Variants in PTPRD observed in about 807,000 individuals in gnomAD.
PTPRD encodes protein tyrosine phosphatase receptor type D.
In PTPRD, 34 loss-of-function variants were observed where a neutral mutation model predicts 214.5. The ratio of observed to expected loss-of-function variants is 0.16; its 90% confidence interval spans 0.12 to 0.21. The LOEUF (loss-of-function observed/expected upper bound fraction) is 0.21, where lower values mean the gene tolerates loss of function less well. Among genes scored for constraint, PTPRD ranks in the 10% least tolerant of loss-of-function variants. PTPRD has a pLI of 1.00. For synonymous variants in PTPRD, 1,128 were observed against 845.7 expected, an observed-to-expected ratio of 1.33 and a Z score of -5.79; for missense variants, 2,545 against 2,398.7, an observed-to-expected ratio of 1.06 and a Z score of -1.27.
intron 5 of PTPRD, among the ~76,000 whole-genome samples, chr9:9,787,870 C>T (rs760960119): frequency 6.6e-6 from 1 of 151,888 alleles, no homozygotes; most frequent in Non-Finnish European, 1.5e-5. Context: ...CAACCTCCAC[C>T]TCCCAGGTTC....
At chr9:10,137,802 C>A (rs565028478) in intron 3 of PTPRD, among the ~76,000 whole-genome samples, 2 of 149,234 alleles carry the variant, frequency 1.3e-5, no homozygotes, top group Admixed American at 1.3e-4. Context: ...TTTTGGTAAA[C>A]AACAAAATTA....
chr9:9,208,337 A>G (rs1312414678), intron 9 of PTPRD, among the ~76,000 whole-genome samples: 6 of 152,012 alleles, frequency 3.9e-5, no homozygotes, highest in African/African-American at 1.4e-4. Flanking sequence ...TTTTTAAAAA[A>G]CACCTTGGAG....
chr9:9,504,680 C>G (rs1258946151), intron 8 of PTPRD, among the ~76,000 whole-genome samples: 1 of 151,504 alleles, frequency 6.6e-6, no homozygotes, highest in Non-Finnish European at 1.5e-5. Context: ...AGAAATAAAA[C>G]GCATCCAAGT....
chr9:9,954,732 G>C (rs2093762828), intron 4 of PTPRD, among the ~76,000 whole-genome samples: 1 of 151,896 alleles, frequency 6.6e-6, no homozygotes, highest in Non-Finnish European at 1.5e-5. Flanking sequence ...ATCAATTTCT[G>C]TGTATATCCC....
intron 11 of PTPRD, among the ~76,000 whole-genome samples, chr9:8,937,418 C>CTA (rs2099005018): frequency 6.6e-6 from 1 of 152,132 alleles, no homozygotes; most frequent in Non-Finnish European, 1.5e-5. Context: ...TTCAAATTAC[C>CTA]TATAATCTGC....
intron 32 of PTPRD, among the ~76,000 whole-genome samples, chr9:8,464,800 T>C (rs1331461229): frequency 6.6e-6 from 1 of 151,752 alleles, no homozygotes; most frequent in African/African-American, 2.4e-5. Flanking sequence ...AAACTCATTA[T>C]TTAGAATACC....
chr9:8,702,362 C>G (rs573967367), intron 12 of PTPRD, among the ~76,000 whole-genome samples: 17 of 151,696 alleles, frequency 1.1e-4, no homozygotes, highest in Non-Finnish European at 1.9e-4. Context: ...TTTTTTTATA[C>G]TTCTTGCTTC....
intron 10 of PTPRD, among the ~76,000 whole-genome samples, chr9:9,095,578 C>T (rs1376833907): frequency 6.6e-6 from 1 of 152,114 alleles, no homozygotes; most frequent in Non-Finnish European, 1.5e-5. Context: ...AATCCTCCTG[C>T]CTCAGTCACC....
chr9:8,518,581 CAAG>C, intron 20 of PTPRD, 152 bp from the exon 21 acceptor site: 2 of 608,352 alleles, frequency 3.3e-6, no homozygotes, highest in African/African-American at 1.9e-5. Flanking sequence ...TCTGAATGGC[CAAG>C]AAGGACAGGA....
chr9:9,815,195 C>T (rs1239783257), intron 5 of PTPRD, among the ~76,000 whole-genome samples: 1 of 152,082 alleles, frequency 6.6e-6, no homozygotes, highest in Non-Finnish European at 1.5e-5. Flanking sequence ...AGCCCATACT[C>T]ATGCGTACAT....
chr9:10,564,023 T>C (rs2064835328), intron 2 of PTPRD, among the ~76,000 whole-genome samples: 1 of 151,636 alleles, frequency 6.6e-6, no homozygotes, highest in Non-Finnish European at 1.5e-5. Flanking sequence ...CTCTCTCTTT[T>C]GAGAAAGGAT....
In PTPRD at chr9:10,060,799, T is replaced by C. The variant is rs539255745; in HGVS notation, c.-544-27009A>G. ...GCTTTTCTTTCTTTCTTTCTTTCTT[T>C]CTTCCTTTCTTTCTTTCTTTCTTTC... On this transcript the variant is annotated intron_variant, in intron 3 of 45. Transcript: ENST00000381196. 6.3e-3 allele frequency among the ~76,000 whole-genome samples: 776 copies of C among 124,070 alleles called. 202 individuals are homozygous for C. Among genetic ancestry groups the C allele is most frequent in the African/African-American group, 0.029 (564 of 19,178 alleles). The allele number at this position is 124,070 out of a possible 152,430, so 81.4% of individuals were successfully genotyped here.
At chr9:8,802,249 T>G (rs552177012) in intron 11 of PTPRD, among the ~76,000 whole-genome samples, 2 of 152,186 alleles carry the variant, frequency 1.3e-5, no homozygotes, top group East Asian at 3.9e-4. Flanking sequence ...TCCATTAAAG[T>G]GAAATGGTGA....
intron 10 of PTPRD, among the ~76,000 whole-genome samples, chr9:9,149,312 G>T (rs1237594260): frequency 1.3e-5 from 2 of 152,202 alleles, no homozygotes; most frequent in East Asian, 3.8e-4. Context: ...GTTAGCTATT[G>T]TTATTGCCAT....
chr9:9,571,791 A>G (rs1283171353), intron 8 of PTPRD, among the ~76,000 whole-genome samples: 1 of 151,100 alleles, frequency 6.6e-6, no homozygotes, highest in East Asian at 1.9e-4. Context: ...TTAAATAACT[A>G]CATATCAATG....
At chr9:9,059,289 C>G (rs922270838) in intron 10 of PTPRD, among the ~76,000 whole-genome samples, 1 of 152,120 alleles carries the variant, frequency 6.6e-6, no homozygotes, top group African/African-American at 2.4e-5. Flanking sequence ...ATGTGTACAG[C>G]ATTGAAATGG....
At chr9:9,004,529 G>A (rs145005499) in intron 11 of PTPRD, among the ~76,000 whole-genome samples, 1 of 151,906 alleles carries the variant, frequency 6.6e-6, no homozygotes, top group Non-Finnish European at 1.5e-5. Context: ...GATCCGGAAT[G>A]ATTGCATCCC....
intron 11 of PTPRD, among the ~76,000 whole-genome samples, chr9:8,783,799 CAGAT>C (rs2154495574): frequency 6.6e-6 from 1 of 152,188 alleles, no homozygotes; most frequent in Admixed American, 6.5e-5. Flanking sequence ...TACAAATTCC[CAGAT>C]AGAGCAGGAG....
chr9:10,003,093 T>G (rs1272087328), intron 4 of PTPRD, among the ~76,000 whole-genome samples: 1 of 151,802 alleles, frequency 6.6e-6, no homozygotes, highest in African/African-American at 2.4e-5. Flanking sequence ...AGGTGACATA[T>G]CAAGTGTGTC....
Sources: allele counts gnomAD v4.1 joint callset (sites outside exome capture counted in the v4.1 genomes callset), GRCh38; gene constraint gnomAD v4.1.1; transcripts MANE v1.5; gene names NCBI Gene and HGNC (gene_info 2026-07-23, HGNC 2026-07-21).